Variants in C2orf42 observed in about 807,000 individuals in gnomAD.
The protein encoded by C2orf42 is uncharacterized protein C2orf42.
Under a neutral mutation model 58.9 loss-of-function variants are expected in C2orf42, and 44 were observed. That is an observed-to-expected ratio of 0.75 (90% CI 0.59 to 0.96). The LOEUF (loss-of-function observed/expected upper bound fraction) is 0.96. C2orf42 is among the 40% of genes least tolerant of loss of function. The pLI, the probability that C2orf42 is intolerant of heterozygous loss-of-function variation, is 0.00. For missense variants in C2orf42, 630 were observed against 699.2 expected (o/e 0.90, Z 1.12); for synonymous variants, 239 against 265.4 (o/e 0.90, Z 0.97).
At chr2:70,156,861 C>CA (rs57668419) in intron 9 of C2orf42, among the ~76,000 whole-genome samples, 24,912 of 117,498 alleles carry the variant, frequency 0.21, 3,759 homozygotes, top group African/African-American at 0.45. Flanking sequence ...GACCCTATCT[C>CA]AAAAAAAAAA....
intron 5 of C2orf42, among the ~76,000 whole-genome samples, chr2:70,173,979 C>T (rs1674013895): frequency 6.6e-6 from 1 of 152,080 alleles, no homozygotes; most frequent in African/African-American, 2.4e-5. Context: ...CTGCAAGACA[C>T]CTGCTGCTAA....
In C2orf42 at chr2:70,150,411, G is replaced by A; in HGVS notation, c.1670C>T (p.Pro557Leu). Residue 557 changes from proline (P) to leucine (L), a missense_variant, in exon 10 of 10, where the codon CCC becomes CTC. Physicochemically the swap from Pro to Leu is moderately conservative, Grantham distance 98. Transcript: ENST00000264434. Reference sequence around the variant, plus strand: ...CAGTTCCAAGGGCTGGTCCAAGGGGGGCCGCTGGTCTTGGTACTCCGCCAC... The same window carrying A: ...CAGTTCCAAGGGCTGGTCCAAGGGGAGCCGCTGGTCTTGGTACTCCGCCAC... ...GHVAEYQDQR[P>L]PLDQPLELAP... 1 of 1,614,104 alleles carries A rather than the reference G, an allele frequency of 6.2e-7. No individual in the cohort carries two copies. The highest frequency in any genetic ancestry group is 8.5e-7 in the Non-Finnish European group (1 of 1,180,016).
At chr2:70,172,190 C>T (rs554902857) in intron 5 of C2orf42, among the ~76,000 whole-genome samples, 2 of 147,564 alleles carry the variant, frequency 1.4e-5, no homozygotes, top group South Asian at 4.3e-4. Context: ...TGCCACTGTA[C>T]TCCAGCCTAG....
rs908569015 is a variant in C2orf42 at position 70,166,033 on chromosome 2, G to A, written c.1145-398C>T. ...AGCCTCCTGAGTAGCTGTGACTACA[G>A]GCGTGCACCACCACGCCTGGCTAAT... On this transcript the variant is annotated intron_variant, in intron 6 of 9. Transcript: ENST00000264434. 3.3e-5 allele frequency among the ~76,000 whole-genome samples: 5 copies of A among 151,872 alleles called. No homozygotes were observed. In the East Asian group the frequency reaches 9.8e-4, roughly 30 times the overall value.
intron 5 of C2orf42, among the ~76,000 whole-genome samples, chr2:70,171,960 C>T (rs1355053665): frequency 4.6e-5 from 7 of 151,694 alleles, no homozygotes; most frequent in Admixed American, 3.9e-4. Flanking sequence ...CAGTGGCTCA[C>T]GCCTGTAATC....
chr2:70,168,329 C>T (rs1430879427), intron 6 of C2orf42, among the ~76,000 whole-genome samples: 1 of 146,352 alleles, frequency 6.8e-6, no homozygotes, highest in Non-Finnish European at 1.5e-5. Context: ...ACTTAGTCAC[C>T]CAGGCTGGAG....
intron 6 of C2orf42, among the ~76,000 whole-genome samples, chr2:70,166,581 C>G (rs974482506): frequency 6.0e-5 from 9 of 150,198 alleles, no homozygotes; most frequent in South Asian, 2.1e-4. Flanking sequence ...GAAGCTGAGG[C>G]AGGAGAATCG....
At chr2:70,159,313 C>T (rs906721676) in intron 9 of C2orf42, among the ~76,000 whole-genome samples, 2 of 152,104 alleles carry the variant, frequency 1.3e-5, no homozygotes, top group South Asian at 4.2e-4. Context: ...TAGGGCCCGG[C>T]CTGGTGGCTC....
chr2:70,188,362 G>A (rs1432661042), intron 1 of C2orf42, among the ~76,000 whole-genome samples: 8 of 151,676 alleles, frequency 5.3e-5, no homozygotes, highest in Admixed American at 4.6e-4. Flanking sequence ...TAATTTTTCT[G>A]TATTTTTAGT....
In C2orf42 at chr2:70,160,508, AC is replaced by A. The variant is rs1672985887; in HGVS notation, c.1516+116del. On this transcript the variant is annotated intron_variant, in intron 9 of 9. Coordinates refer to ENST00000264434, the MANE Select transcript of C2orf42 (RefSeq NM_017880.3). The stretch of plus-strand genomic sequence containing the variant: ...AATACCTTATCCCACGATTGCCTTT[AC>A]AAGGTGAATGAATGTGTCTTCTTTG... The A allele has an allele frequency of 7.4e-6, 5 of 672,240 alleles. No homozygotes were observed. In the Admixed American group the frequency reaches 1.5e-4, roughly 20 times the overall value. The allele number at this position is 672,240 out of a possible 1,614,324, so 41.6% of individuals were successfully genotyped here. A position where few individuals can be genotyped will look rare whatever the true frequency, so the allele number is the denominator to read the frequency against.
intron 9 of C2orf42, among the ~76,000 whole-genome samples, chr2:70,158,980 C>T (rs147727793): frequency 0.078 from 11,164 of 143,716 alleles, 518 homozygotes; most frequent in South Asian, 0.2. Context: ...GGCGCGATCT[C>T]GGCTCACTGC....
intron 1 of C2orf42, among the ~76,000 whole-genome samples, chr2:70,186,249 T>C (rs1235697777): frequency 6.6e-6 from 1 of 152,090 alleles, no homozygotes; most frequent in East Asian, 1.9e-4. Context: ...CTTTAACTTC[T>C]GAGCTTCAGG....
intron 1 of C2orf42, among the ~76,000 whole-genome samples, chr2:70,188,198 AT>A (rs1164365734): frequency 6.7e-6 from 1 of 150,018 alleles, no homozygotes; most frequent in Non-Finnish European, 1.5e-5. Flanking sequence ...TATTTTATTT[AT>A]TTTTTTGAGA....
chr2:70,190,630 G>A (rs1675289438), intron 1 of C2orf42: 1 of 152,186 alleles, frequency 6.6e-6, no homozygotes, highest in Non-Finnish European at 1.5e-5. Context: ...TCGGAACAGC[G>A]GAGGAAGACC....
intron 1 of C2orf42, among the ~76,000 whole-genome samples, chr2:70,185,744 C>T (rs1013478796): frequency 6.6e-6 from 1 of 150,962 alleles, no homozygotes; most frequent in African/African-American, 2.4e-5. Context: ...CACACACACA[C>T]AAACACACAC....
chr2:70,181,115 A>G (rs1169517574), intron 3 of C2orf42, 48 bp downstream of exon 3: 1 of 1,099,474 alleles, frequency 9.1e-7, no homozygotes, highest in Non-Finnish European at 1.3e-6. Context: ...AACTCTTTTC[A>G]TTGCAGTTTT....
Position 70,150,583 on chromosome 2 carries a change from T to C in C2orf42, c.1517-19A>G, listed in dbSNP as rs750943847. The C allele has an allele frequency of 1.1e-5, 18 of 1,583,712 alleles. 1 individual carries two copies. The South Asian group carries it at 1.9e-4, about 17-fold the overall frequency. ...GTGTTGCCTAAAGAGAAGAAAGGAG[T>C]ATTAGTACAATTCCACCTAACTCTA... On this transcript the variant is annotated intron_variant, in intron 9 of 9. Transcript: ENST00000264434.
chr2:70,173,620 A>G (rs1329374153), intron 5 of C2orf42, among the ~76,000 whole-genome samples: 1 of 151,210 alleles, frequency 6.6e-6, no homozygotes, highest in South Asian at 2.1e-4. Context: ...ATTGTTTTAT[A>G]TTATTCTTTT....
At chr2:70,155,011 C>T (rs1409238163) in intron 9 of C2orf42, among the ~76,000 whole-genome samples, 1 of 151,976 alleles carries the variant, frequency 6.6e-6, no homozygotes, top group East Asian at 1.9e-4. Context: ...TTTGGGAGGC[C>T]AAGGCGGGCA....
Sources: allele counts gnomAD v4.1 joint callset (sites outside exome capture counted in the v4.1 genomes callset), GRCh38; gene constraint gnomAD v4.1.1; transcripts MANE v1.5; gene names NCBI Gene and HGNC (gene_info 2026-07-23, HGNC 2026-07-21).